Variants in ST3GAL3 observed in about 807,000 individuals in gnomAD.
ST3GAL3 encodes ST3 beta-galactoside alpha-2,3-sialyltransferase 3.
Under a neutral mutation model 50.1 loss-of-function variants are expected in ST3GAL3, and 21 were observed. The observed-to-expected ratio is 0.42, with a 90% CI of 0.30 to 0.60. The LOEUF (loss-of-function observed/expected upper bound fraction) is 0.60, where lower values mean the gene tolerates loss of function less well. Ranked by LOEUF, ST3GAL3 falls within the 20% of genes least tolerant of loss-of-function variation. The pLI is 0.19. For missense variants in ST3GAL3, 353 were observed against 489.4 expected, an observed-to-expected ratio of 0.72 and a Z score of 2.63; for synonymous variants, 183 against 190.0, an observed-to-expected ratio of 0.96 and a Z score of 0.30.
chr1:43,795,308 C>T (rs1314054569), intron 3 of ST3GAL3, among the ~76,000 whole-genome samples: 1 of 152,200 alleles, frequency 6.6e-6, no homozygotes. Context: ...CATTTTTCCA[C>T]TGATTCCCTC....
intron 5 of ST3GAL3, among the ~76,000 whole-genome samples, chr1:43,843,018 G>C (rs1485130434): frequency 3.3e-5 from 5 of 152,142 alleles, no homozygotes; most frequent in Non-Finnish European, 7.4e-5. Context: ...GGACAGTCTT[G>C]TCGTCTGTTA....
intron 5 of ST3GAL3, among the ~76,000 whole-genome samples, chr1:43,882,582 G>A (rs2075322801): frequency 6.6e-6 from 1 of 152,196 alleles, no homozygotes; most frequent in Admixed American, 6.5e-5. Context: ...AGCCATAGAA[G>A]ATGGCTCCAG....
chr1:43,820,360 A>G (rs2061938445), intron 4 of ST3GAL3, among the ~76,000 whole-genome samples: 1 of 152,164 alleles, frequency 6.6e-6, no homozygotes, highest in Non-Finnish European at 1.5e-5. Context: ...CTAACAGAAA[A>G]CCTAGGACAT....
intron 11 of ST3GAL3, among the ~76,000 whole-genome samples, chr1:43,926,058 A>C (rs2083862657): frequency 6.6e-6 from 1 of 152,170 alleles, no homozygotes; most frequent in Non-Finnish European, 1.5e-5. Flanking sequence ...GATGCTTGGA[A>C]GAGAAGGGAG....
At chr1:43,854,380 T>C (rs1291380345) in intron 5 of ST3GAL3, among the ~76,000 whole-genome samples, 1 of 152,212 alleles carries the variant, frequency 6.6e-6, no homozygotes, top group Admixed American at 6.5e-5. Context: ...CTCTGAAGCA[T>C]TTGGCAGTAT....
chr1:43,884,990 G>A (rs967832347), intron 5 of ST3GAL3, among the ~76,000 whole-genome samples: 5 of 152,212 alleles, frequency 3.3e-5, no homozygotes, highest in African/African-American at 1.2e-4. Flanking sequence ...TTGCCAGTCT[G>A]TGGATACAGG....
chr1:43,728,358 C>CAAAAACAA (rs146791867), intron 1 of ST3GAL3, among the ~76,000 whole-genome samples: 48,188 of 151,690 alleles, frequency 0.32, 9,110 homozygotes, highest in East Asian at 0.49. Context: ...AAAACAAAAA[C>CAAAAACAA]AAAAACACCA....
intron 2 of ST3GAL3, chr1:43,738,349 C>T (rs1009923066): frequency 2.0e-4 from 31 of 152,176 alleles, no homozygotes; most frequent in African/African-American, 7.5e-4. Flanking sequence ...TCTATTCTGA[C>T]TCCTAAGCCT....
intron 4 of ST3GAL3, among the ~76,000 whole-genome samples, chr1:43,816,334 A>G (rs1032356298): frequency 2.0e-5 from 3 of 152,116 alleles, no homozygotes; most frequent in Non-Finnish European, 4.4e-5. Flanking sequence ...GGCATTGTAA[A>G]TCTCCCAACT....
intron 2 of ST3GAL3, among the ~76,000 whole-genome samples, chr1:43,747,888 G>A (rs779296322): frequency 3.9e-5 from 6 of 151,918 alleles, no homozygotes; most frequent in Admixed American, 3.3e-4. Context: ...GCCAGCTCAG[G>A]GATTTTTATG....
intron 2 of ST3GAL3, among the ~76,000 whole-genome samples, chr1:43,744,882 T>C (rs1682923620): frequency 6.6e-6 from 1 of 151,518 alleles, no homozygotes; most frequent in South Asian, 2.1e-4. Context: ...TCCCAGCTAC[T>C]TGGGAGGCTG....
At chr1:43,813,901 A>ACG (rs1179133225) in intron 3 of ST3GAL3, among the ~76,000 whole-genome samples, 27 of 63,316 alleles carry the variant, frequency 4.3e-4, no homozygotes, top group African/African-American at 1.1e-3. Flanking sequence ...ACACGCACAC[A>ACG]CGCACACACA....
chr1:43,735,133 G>C (rs1677832627), intron 1 of ST3GAL3, among the ~76,000 whole-genome samples: 1 of 152,170 alleles, frequency 6.6e-6, no homozygotes, highest in East Asian at 1.9e-4. Flanking sequence ...AAACCGCTAG[G>C]CTGTAAGGAG....
intron 5 of ST3GAL3, among the ~76,000 whole-genome samples, chr1:43,881,779 T>C (rs1488727186): frequency 1.3e-5 from 2 of 149,010 alleles, no homozygotes; most frequent in Non-Finnish European, 3.0e-5. Flanking sequence ...GCTGGCAGTA[T>C]TTCAGAATGG....
chr1:43,789,958 G>A (rs2057841612), intron 2 of ST3GAL3, among the ~76,000 whole-genome samples: 2 of 151,950 alleles, frequency 1.3e-5, no homozygotes, highest in African/African-American at 2.4e-5. Flanking sequence ...TCAGCCAAGT[G>A]TCCTGATTGT....
chr1:43,801,487 G>A (rs2059311214), intron 3 of ST3GAL3: 12 of 417,014 alleles, frequency 2.9e-5, no homozygotes, highest in South Asian at 1.9e-4. Context: ...TCTCTCTTTT[G>A]TCCTGGAACA....
Position 43,721,880 on chromosome 1 carries a change from C to T in ST3GAL3, c.-31+14187C>T, listed in dbSNP as rs187787226. On this transcript the variant is annotated intron_variant, in intron 1 of 11. Coordinates refer to ENST00000347631, the MANE Select transcript of ST3GAL3 (RefSeq NM_006279.5). ...CCTCCCAAAGTGCTGGGCTTACAGGCGTGAGCCACATACCCGGCCCCCTCA... is the reference window on the plus strand; with the variant it reads ...CCTCCCAAAGTGCTGGGCTTACAGGTGTGAGCCACATACCCGGCCCCCTCA... Among the ~76,000 whole-genome samples the T allele has an allele frequency of 2.2e-3, 331 of 152,088 alleles. 2 individuals are homozygous for T. The highest frequency in any genetic ancestry group is 7.7e-3 in the African/African-American group (319 of 41,518).
At chr1:43,862,136 G>A (rs2070141967) in intron 5 of ST3GAL3, among the ~76,000 whole-genome samples, 1 of 152,192 alleles carries the variant, frequency 6.6e-6, no homozygotes. Flanking sequence ...ACTGCTTGTG[G>A]CAGGCCTCTC....
At chr1:43,734,467 G>T (rs1433304536) in intron 1 of ST3GAL3, among the ~76,000 whole-genome samples, 1 of 151,616 alleles carries the variant, frequency 6.6e-6, no homozygotes, top group Non-Finnish European at 1.5e-5. Flanking sequence ...ACTAGGCCTG[G>T]CTAACTTTTT....
Sources: gnomAD v4.1 joint callset for allele counts (sites outside exome capture counted in the v4.1 genomes callset) on GRCh38, gnomAD v4.1.1 for gene constraint, MANE v1.5 for transcripts, NCBI Gene and HGNC (gene_info 2026-07-23, HGNC 2026-07-21) for gene names.